SUMF1: variants seen among roughly 807,000 people sequenced by gnomAD.
SUMF1 encodes sulfatase modifying factor 1.
A neutral mutation model predicts 47.6 loss-of-function variants in SUMF1; 48 were observed. The observed-to-expected ratio is 1.01, with a 90% CI of 0.80 to 1.28. The LOEUF is 1.28. SUMF1 is among the 50% of genes most tolerant of loss of function. SUMF1 has a pLI of 0.00. For missense variants in SUMF1, 571 were observed against 485.4 expected (o/e 1.18, Z -1.66); for synonymous variants, 230 against 192.1 (o/e 1.20, Z -1.63).
At chr3:4,125,609 G>T (rs1381575616) in intron 8 of SUMF1, among the ~76,000 whole-genome samples, 2 of 152,254 alleles carry the variant, frequency 1.3e-5, no homozygotes, top group East Asian at 1.9e-4. Flanking sequence ...ACTGTCTGTT[G>T]TAACAGACAT....
At chr3:4,424,088 C>G (rs144998435) in intron 3 of SUMF1, among the ~76,000 whole-genome samples, 31 of 152,264 alleles carry the variant, frequency 2.0e-4, no homozygotes, top group African/African-American at 7.2e-4. Context: ...AAAATTAATT[C>G]CTCAGTTGCA....
intron 8 of SUMF1, among the ~76,000 whole-genome samples, chr3:4,193,272 C>G (rs538494256): frequency 7.3e-6 from 1 of 137,220 alleles, no homozygotes; most frequent in South Asian, 2.3e-4. Flanking sequence ...ACATCCAAAA[C>G]CCTCCCAGCC....
chr3:4,353,251 T>A (rs1239966075), intron 8 of SUMF1, among the ~76,000 whole-genome samples: 1 of 151,982 alleles, frequency 6.6e-6, no homozygotes. Flanking sequence ...TAAGAAAAAA[T>A]TAAGATTAGG....
chr3:4,253,813 C>T (rs1004291517), intron 8 of SUMF1, among the ~76,000 whole-genome samples: 1 of 147,858 alleles, frequency 6.8e-6, no homozygotes, highest in African/African-American at 2.5e-5. Flanking sequence ...GGGGGCAGGG[C>T]ACAGACAAAC....
intron 9 of SUMF1, among the ~76,000 whole-genome samples, chr3:4,047,478 T>G (rs1224289745): frequency 6.6e-6 from 1 of 152,144 alleles, no homozygotes; most frequent in Non-Finnish European, 1.5e-5. Flanking sequence ...CAAGGAGGCT[T>G]TAGAGCTCAA....
intron 8 of SUMF1, among the ~76,000 whole-genome samples, chr3:4,180,916 A>C (rs1695082627): frequency 6.6e-6 from 1 of 152,090 alleles, no homozygotes; most frequent in Admixed American, 6.6e-5. Context: ...TACTACTAAA[A>C]TACACTTCTC....
intron 8 of SUMF1, among the ~76,000 whole-genome samples, chr3:4,245,854 A>C (rs550744397): frequency 3.6e-4 from 55 of 152,164 alleles, no homozygotes; most frequent in Non-Finnish European, 6.2e-4. Context: ...TAGAGGTGGA[A>C]TCTAGAGAGG....
chr3:4,259,386 G>A (rs769530000), intron 8 of SUMF1, among the ~76,000 whole-genome samples: 59 of 151,970 alleles, frequency 3.9e-4, no homozygotes, highest in Non-Finnish European at 6.2e-4. Flanking sequence ...TACATGTTAC[G>A]TAAGGCAAAA....
intron 8 of SUMF1, among the ~76,000 whole-genome samples, chr3:4,332,890 C>T (rs1408388350): frequency 6.6e-6 from 1 of 152,146 alleles, no homozygotes; most frequent in East Asian, 1.9e-4. Flanking sequence ...AAACCCTAAA[C>T]CCCTGGCTCC....
intron 7 of SUMF1, among the ~76,000 whole-genome samples, chr3:4,396,261 C>T (rs558189591): frequency 1.1e-4 from 17 of 152,346 alleles, no homozygotes; most frequent in African/African-American, 4.1e-4. Context: ...TGAACTAACT[C>T]ATAGACTGTA....
chr3:4,194,991 A>T (rs1419963248), intron 8 of SUMF1, among the ~76,000 whole-genome samples: 1 of 152,128 alleles, frequency 6.6e-6, no homozygotes, highest in African/African-American at 2.4e-5. Flanking sequence ...TTTTGAAGTC[A>T]CTTATTTAAA....
At chr3:4,438,367 G>A (rs1460287963) in intron 3 of SUMF1, among the ~76,000 whole-genome samples, 1 of 152,092 alleles carries the variant, frequency 6.6e-6, no homozygotes, top group Non-Finnish European at 1.5e-5. Context: ...TGAGTTTTGG[G>A]CTTCCAAGCT....
At chr3:4,167,948 T>A (rs1694747262) in intron 8 of SUMF1, among the ~76,000 whole-genome samples, 1 of 152,162 alleles carries the variant, frequency 6.6e-6, no homozygotes, top group East Asian at 1.9e-4. Context: ...AAGCCCAGCA[T>A]GAAGTACAGT....
At chr3:4,113,141 T>C (rs1028322986) in intron 8 of SUMF1, among the ~76,000 whole-genome samples, 38 of 152,276 alleles carry the variant, frequency 2.5e-4, no homozygotes, top group African/African-American at 8.9e-4. Flanking sequence ...TGTGTAATAA[T>C]CAAGCCAAGG....
chr3:4,134,730 C>A (rs758509338), intron 8 of SUMF1, among the ~76,000 whole-genome samples: 8 of 151,898 alleles, frequency 5.3e-5, no homozygotes, highest in African/African-American at 1.9e-4. Flanking sequence ...ACTAGCAAGA[C>A]TAATAAAGAA....
At position 4,252,352 on chromosome 3, in the gene SUMF1, G is replaced by GCGCACA. The variant is rs1553613505; in HGVS notation, c.1014+123977_1014+123978insTGTGCG. Among the ~76,000 whole-genome samples, 163 of 129,672 alleles carry GCGCACA rather than the reference G, an allele frequency of 1.3e-3. 1 individual carries two copies. Among genetic ancestry groups the GCGCACA allele is most frequent in the Admixed American group, 6.3e-3 (84 of 13,296 alleles). 85.1% of individuals were successfully genotyped at this position (129,672 alleles called of 152,430 possible). ...GGATTCGCTCCAAATACACACATGC[G>GCGCACA]CACACACACACACACACACACACAC... On this transcript the variant is annotated intron_variant and NMD_transcript_variant, in intron 8 of 12. Coordinates refer to the SUMF1 transcript ENST00000448413.
chr3:4,346,785 C>G (rs1699382494), intron 8 of SUMF1, among the ~76,000 whole-genome samples: 2 of 151,730 alleles, frequency 1.3e-5, no homozygotes, highest in Admixed American at 1.3e-4. Context: ...AGACCGCTAG[C>G]TAGGCTAATA....
chr3:4,285,460 G>T lies in SUMF1; in HGVS notation c.1014+90870C>A, dbSNP rs1328356075. 3.3e-5 allele frequency among the ~76,000 whole-genome samples: 5 copies of T among 152,220 alleles called. No homozygotes were observed. In the South Asian group the frequency reaches 8.3e-4, roughly 25 times the overall value. On this transcript the variant is annotated intron_variant and NMD_transcript_variant, in intron 8 of 12. Coordinates refer to the SUMF1 transcript ENST00000448413. ...TCTAGAGTTTATGAATTTTCACAAT[G>T]AGAATGTATGATTCTTATAAGGAAA...
At chr3:4,347,698 GAA>G (rs1231710671) in intron 8 of SUMF1, among the ~76,000 whole-genome samples, 1 of 152,192 alleles carries the variant, frequency 6.6e-6, no homozygotes, top group Non-Finnish European at 1.5e-5. Context: ...TCAGGCAAGA[GAA>G]AGAAATAAAG....
Sources: allele counts gnomAD v4.1 joint callset (sites outside exome capture counted in the v4.1 genomes callset), GRCh38; gene constraint gnomAD v4.1.1; transcripts MANE v1.5; gene names NCBI Gene and HGNC (gene_info 2026-07-23, HGNC 2026-07-21).